The following PIEZO2 variants were observed in gnomAD, a reference collection of about 807,000 sequenced individuals.
The protein encoded by PIEZO2 is piezo type mechanosensitive ion channel component 2, also known as piezo-type mechanosensitive ion channel component 2.
PIEZO2 carries 172 observed loss-of-function variants against 337.3 expected under a neutral mutation model. The observed-to-expected ratio is 0.51, with a 90% confidence interval of 0.45 to 0.58. PIEZO2 has a LOEUF of 0.58. PIEZO2 is among the 20% of genes least tolerant of loss of function. The pLI is 0.00. For missense variants in PIEZO2, 3,028 were observed against 3,391.3 expected (o/e 0.89, Z 2.66); for synonymous variants, 1,251 against 1,228.5 (o/e 1.02, Z -0.38).
intron 1 of PIEZO2, among the ~76,000 whole-genome samples, chr18:11,122,839 AGAC>A (rs1474345928): frequency 2.0e-5 from 3 of 152,100 alleles, no homozygotes; most frequent in African/African-American, 4.8e-5. Flanking sequence ...AAAGCAAACA[AGAC>A]GACAAGTCTT....
Position 10,797,425 on chromosome 18 carries a change from T to C in PIEZO2, c.1476A>G (p.Val492=). Residue 492 remains valine (V), a synonymous_variant, in exon 12 of 56, where the codon GTA becomes GTG. Transcript: ENST00000674853. ...AACTTTGTTTCATAATAAATTGGAATACGGAGACCATGGCATGAACTTTGA... is the reference window on the plus strand; with the variant it reads ...AACTTTGTTTCATAATAAATTGGAACACGGAGACCATGGCATGAACTTTGA... ...RSIKVHAMVS[V]FQFIMKQSYI... 6.5e-7 allele frequency: 1 copy of C among 1,537,198 alleles called. No individual in the cohort carries two copies. Among genetic ancestry groups the C allele is most frequent in the South Asian group, 1.2e-5 (1 of 84,062 alleles).
At position 10,794,741 on chromosome 18, in the gene PIEZO2, T is replaced by C; in HGVS notation, c.1758+31A>G. Reference sequence around the variant, plus strand: ...GATGATGATTGTGGTTTTGTGTCATTGTTTTGTTTTATTGTATTCTATTCA... The same window carrying C: ...GATGATGATTGTGGTTTTGTGTCATCGTTTTGTTTTATTGTATTCTATTCA... On this transcript the variant is annotated intron_variant, in intron 13 of 55. Transcript: ENST00000674853. The surrounding 1 kb of genome is among the most constrained non-coding windows in gnomAD (Gnocchi z 6.6). The C allele has an allele frequency of 7.1e-7, 1 of 1,414,202 alleles. No homozygotes were observed. The highest frequency in any genetic ancestry group is 9.5e-7 in the Non-Finnish European group (1 of 1,054,668). 87.6% of individuals were successfully genotyped at this position (1,414,202 alleles called of 1,614,324 possible). A position where few individuals can be genotyped will look rare whatever the true frequency, so the allele number is the denominator to read the frequency against.
chr18:10,776,161 T>C (rs1007855793), intron 18 of PIEZO2, among the ~76,000 whole-genome samples: 5 of 152,192 alleles, frequency 3.3e-5, no homozygotes, highest in African/African-American at 1.2e-4. Context: ...TTAGAGGCCA[T>C]AGAGAAGAAC....
In PIEZO2 at chr18:11,070,959, C is replaced by T. The variant is rs1055759725; in HGVS notation, c.65-4737G>A. Among the ~76,000 whole-genome samples the T allele has an allele frequency of 1.3e-5, 2 of 152,124 alleles. No individual in the cohort carries two copies. Among genetic ancestry groups the T allele is most frequent in the African/African-American group, 4.8e-5 (2 of 41,402 alleles). On this transcript the variant is annotated intron_variant, in intron 1 of 55. Transcript: ENST00000674853. The surrounding 1 kb of genome is among the most constrained non-coding windows in gnomAD (Gnocchi z 4.3). ...CAGAATGCGGACAACAGGAGCATAG[C>T]ACACTCCAGCCAAGGGTCTGCATTA...
chr18:11,091,375 C>T (rs1456708196), intron 1 of PIEZO2, among the ~76,000 whole-genome samples: 2 of 135,564 alleles, frequency 1.5e-5, no homozygotes, highest in Non-Finnish European at 3.1e-5. Flanking sequence ...CACAGCAAGA[C>T]TCCGTCTCAA....
intron 36 of PIEZO2, among the ~76,000 whole-genome samples, chr18:10,722,280 G>C (rs1391960073): frequency 6.7e-6 from 1 of 150,306 alleles, no homozygotes; most frequent in Non-Finnish European, 1.5e-5. Flanking sequence ...ACCCAGGCTA[G>C]AGTGCAGTGG....
At chr18:10,900,270 T>C (rs2043012526) in intron 4 of PIEZO2, among the ~76,000 whole-genome samples, 1 of 152,038 alleles carries the variant, frequency 6.6e-6, no homozygotes, top group Non-Finnish European at 1.5e-5. Flanking sequence ...TTAATCTGTG[T>C]TTCAAGTACA....
chr18:10,693,933 C>G (rs2034971789), intron 47 of PIEZO2, among the ~76,000 whole-genome samples: 1 of 152,048 alleles, frequency 6.6e-6, no homozygotes, highest in Non-Finnish European at 1.5e-5. Context: ...ATTCACAACA[C>G]TCTCATGAAA....
chr18:10,723,456 T>C (rs1350397279), intron 36 of PIEZO2, among the ~76,000 whole-genome samples: 2 of 152,030 alleles, frequency 1.3e-5, no homozygotes, highest in African/African-American at 2.4e-5. Flanking sequence ...TGTGCTGCAA[T>C]AGGAGCAGAT....
chr18:10,720,398 T>C, intron 36 of PIEZO2, among the ~76,000 whole-genome samples: 1 of 22,388 alleles, frequency 4.5e-5, no homozygotes, highest in Non-Finnish European at 1.0e-4. Context: ...TGTGTGTGTG[T>C]GTGTGTATGT....
chr18:10,790,279 T>G (rs952554737), intron 14 of PIEZO2, among the ~76,000 whole-genome samples: 1 of 152,216 alleles, frequency 6.6e-6, no homozygotes, highest in Non-Finnish European at 1.5e-5. Context: ...TATGGAGATA[T>G]ATATATGCCT....
At chr18:10,722,508 G>A (rs2036359621) in intron 36 of PIEZO2, among the ~76,000 whole-genome samples, 1 of 151,920 alleles carries the variant, frequency 6.6e-6, no homozygotes, top group Non-Finnish European at 1.5e-5. Context: ...GGGATTACAG[G>A]GTGAGCCACC....
At chr18:11,015,874 CAT>C (rs1409135367) in intron 2 of PIEZO2, among the ~76,000 whole-genome samples, 1 of 152,254 alleles carries the variant, frequency 6.6e-6, no homozygotes, top group Non-Finnish European at 1.5e-5. Context: ...CACATGCACA[CAT>C]GTTCAACTTC....
At position 11,127,707 on chromosome 18, in the gene PIEZO2, TC is replaced by T. The variant is rs199830135; in HGVS notation, c.64+20817del. ...CTTTATATATATATACATATATATG[TC>T]ATGTATATATATACACACATATATA... On this transcript the variant is annotated intron_variant, in intron 1 of 55. Coordinates refer to ENST00000674853, the MANE Select transcript of PIEZO2 (RefSeq NM_001378183.1). The surrounding 1 kb of genome is among the most constrained non-coding windows in gnomAD (Gnocchi z 4.5). Among the ~76,000 whole-genome samples the T allele has an allele frequency of 6.1e-3, 922 of 151,666 alleles. 5 individuals are homozygous for T. Among genetic ancestry groups the T allele is most frequent in the African/African-American group, 0.016 (643 of 41,330 alleles).
rs1360088315 is a variant in PIEZO2, at chr18:11,112,176, T to A, written c.64+36349A>T. Among the ~76,000 whole-genome samples, 2 of 152,210 alleles carry A rather than the reference T, an allele frequency of 1.3e-5. No individual in the cohort carries two copies. The highest frequency in any genetic ancestry group is 2.9e-5 in the Non-Finnish European group (2 of 68,044). On this transcript the variant is annotated intron_variant, in intron 1 of 55. Transcript: ENST00000674853. The surrounding 1 kb of genome is among the most constrained non-coding windows in gnomAD (Gnocchi z 4.3). ...TCATATTTATGTATGTATTTCTAATTTAAGTAATCCTCTAGGTATTTTGTA... is the reference window on the plus strand; with the variant it reads ...TCATATTTATGTATGTATTTCTAATATAAGTAATCCTCTAGGTATTTTGTA...
intron 23 of PIEZO2, among the ~76,000 whole-genome samples, chr18:10,761,403 C>T (rs1186784952): frequency 6.6e-6 from 1 of 152,148 alleles, no homozygotes. Flanking sequence ...AAGCAATTTC[C>T]AGTTATCCAA....
intron 48 of PIEZO2, 47 bp downstream of exon 48, chr18:10,691,178 C>T (rs751313693): frequency 1.1e-5 from 17 of 1,577,380 alleles, no homozygotes; most frequent in Non-Finnish European, 1.3e-5. Context: ...GCCTTTCCAC[C>T]GCTATTCTTC....
intron 30 of PIEZO2, among the ~76,000 whole-genome samples, chr18:10,747,709 A>G (rs1027212488): frequency 6.6e-6 from 1 of 152,232 alleles, no homozygotes; most frequent in African/African-American, 2.4e-5. Flanking sequence ...CCTTGGAAAT[A>G]AACATTGTGT....
At chr18:11,034,926 T>C (rs2036872771) in intron 2 of PIEZO2, among the ~76,000 whole-genome samples, 1 of 152,210 alleles carries the variant, frequency 6.6e-6, no homozygotes, top group East Asian at 1.9e-4. Flanking sequence ...TTGTGTATCA[T>C]GTGTTCACCA....
Sources: gnomAD v4.1 joint callset for allele counts (sites outside exome capture counted in the v4.1 genomes callset) on GRCh38, gnomAD v4.1.1 for gene constraint, Gnocchi (gnomAD v3.1) non-coding constraint, MANE v1.5 for transcripts, NCBI Gene and HGNC (gene_info 2026-07-23, HGNC 2026-07-21) for gene names.